Variants in PATJ observed in about 807,000 individuals in gnomAD.
PATJ encodes the protein inaD-like protein.
Under a neutral mutation model 224.9 loss-of-function variants are expected in PATJ, and 190 were observed. That is an observed-to-expected ratio of 0.84 (90% CI 0.75 to 0.95). The LOEUF (loss-of-function observed/expected upper bound fraction) is 0.95. PATJ is among the 40% of genes least tolerant of loss of function. The pLI, the probability that PATJ is intolerant of heterozygous loss-of-function variation, is 0.00. For synonymous variants in PATJ, 769 were observed against 820.3 expected (o/e 0.94, Z 1.07); for missense variants, 2,121 against 2,270.3 (o/e 0.93, Z 1.34).
chr1:61,896,121 AC>A (rs1283214878), intron 22 of PATJ, among the ~76,000 whole-genome samples: 2 of 152,092 alleles, frequency 1.3e-5, no homozygotes, highest in Admixed American at 6.5e-5. Context: ...TCATGGTGAA[AC>A]CCTGTCTCTA....
chr1:61,771,517 C>T lies in PATJ; in HGVS notation c.611C>T (p.Ala204Val). ...DQNISHQQAIALLQQTTGSLR... is the reference protein window; with the variant it reads ...DQNISHQQAIVLLQQTTGSLR... ...AACATTTCCCATCAGCAAGCAATTGCATTATTACAACAAACCACTGGATCT... is the reference window on the plus strand; with the variant it reads ...AACATTTCCCATCAGCAAGCAATTGTATTATTACAACAAACCACTGGATCT... Residue 204 changes from alanine (A) to valine (V), a missense_variant, in exon 6 of 44, where the codon GCA becomes GTA. Transcript: ENST00000642238. 1 of 1,612,816 alleles carries T rather than the reference C, an allele frequency of 6.2e-7. No homozygotes were observed. The highest frequency in any genetic ancestry group is 1.7e-5 in the Admixed American group (1 of 59,828).
intron 34 of PATJ, among the ~76,000 whole-genome samples, chr1:62,111,622 A>G (rs895113296): frequency 3.3e-5 from 5 of 151,984 alleles, no homozygotes; most frequent in Non-Finnish European, 5.9e-5. Context: ...AGTTGGAATC[A>G]GCACTCAAAC....
At chr1:61,792,481 T>C (rs776162941) in intron 9 of PATJ, among the ~76,000 whole-genome samples, 3 of 152,180 alleles carry the variant, frequency 2.0e-5, no homozygotes, top group Non-Finnish European at 2.9e-5. Context: ...TTTATATTAC[T>C]GGATAAAGGA....
rs761650692 is a variant in PATJ, at chr1:61,914,601, A to C, written c.3507A>C (p.Val1169=). 2.6e-6 allele frequency: 4 copies of C among 1,559,998 alleles called. No individual in the cohort carries two copies. Among genetic ancestry groups the C allele is most frequent in the Non-Finnish European group, 3.5e-6 (4 of 1,132,216 alleles). Reference sequence around the variant, plus strand: ...TGTCACCATAGGTCATTCCTAACGTACATAACAAGGCCAACAAAATCACCG... The same window carrying C: ...TGTCACCATAGGTCATTCCTAACGTCCATAACAAGGCCAACAAAATCACCG... The part of the protein sequence containing the change: ...LSSTPRVIPN[V]HNKANKITGN... Residue 1169 remains valine (V), a synonymous_variant, in exon 26 of 44, where the codon GTA becomes GTC. Transcript: ENST00000642238.
chr1:61,841,680 A>C (rs2148836228), intron 17 of PATJ, among the ~76,000 whole-genome samples: 1 of 150,404 alleles, frequency 6.6e-6, no homozygotes, highest in South Asian at 2.1e-4. Context: ...TCAATCTGCT[A>C]CTAATGGCAG....
chr1:61,993,269 T>C (rs1393224373), intron 28 of PATJ, among the ~76,000 whole-genome samples: 2 of 152,192 alleles, frequency 1.3e-5, no homozygotes, highest in East Asian at 3.9e-4. Flanking sequence ...AAGATACAGG[T>C]GAACAACCAG....
chr1:62,111,307 A>G (rs1195458766), intron 34 of PATJ, among the ~76,000 whole-genome samples: 1 of 152,146 alleles, frequency 6.6e-6, no homozygotes, highest in East Asian at 1.9e-4. Flanking sequence ...TTTCCTGGAA[A>G]TACACTTTTC....
chr1:62,155,151 G>C (rs1669052420), intron 43 of PATJ, among the ~76,000 whole-genome samples: 1 of 152,176 alleles, frequency 6.6e-6, no homozygotes, highest in South Asian at 2.1e-4. Flanking sequence ...ACAGTGGGAA[G>C]GCTGCAGAGT....
chr1:61,990,327 C>G lies in PATJ; in HGVS notation c.3830C>G (p.Ala1277Gly). 2 of 1,613,256 alleles carry G rather than the reference C, an allele frequency of 1.2e-6. No individual in the cohort carries two copies. Among genetic ancestry groups the G allele is most frequent in the Non-Finnish European group, 1.7e-6 (2 of 1,179,808 alleles). The change falls in exon 28 of 44, where the codon GCA becomes GGA. Residue 1277 changes from alanine to glycine, a missense_variant. Ala to Gly is a moderately conservative substitution (Grantham distance 60, BLOSUM62 0). Coordinates refer to ENST00000642238, the MANE Select transcript of PATJ (RefSeq NM_001350145.3). The part of the protein sequence containing the change: ...VGINPEGPAA[A>G]DGRMRIGDEL... ...ATTAACCCGGAAGGACCTGCTGCCGCAGATGGACGAATGCGTATTGGAGAT... is the reference window on the plus strand; with the variant it reads ...ATTAACCCGGAAGGACCTGCTGCCGGAGATGGACGAATGCGTATTGGAGAT...
intron 31 of PATJ, among the ~76,000 whole-genome samples, chr1:62,070,296 C>CGTCTTTTTTCTCTCTTTTCAA (rs1553257562): frequency 6.6e-6 from 1 of 152,198 alleles, no homozygotes; most frequent in East Asian, 1.9e-4. Context: ...GACCTTTTCA[C>CGTCTTTTTTCTCTCTTTTCAA]GTCTTTTTTC....
At chr1:62,134,330 CTTTTT>C (rs779235130) in intron 41 of PATJ, among the ~76,000 whole-genome samples, 1 of 96,496 alleles carries the variant, frequency 1.0e-5, no homozygotes, top group Non-Finnish European at 1.9e-5. Context: ...CCAGCCCTCT[CTTTTT>C]TTTTTTTTTT....
chr1:61,938,202 C>T (rs563793009), intron 27 of PATJ, among the ~76,000 whole-genome samples: 1 of 152,314 alleles, frequency 6.6e-6, no homozygotes, highest in South Asian at 2.1e-4. Context: ...CGTTTCTGCA[C>T]CTTGCCAAGT....
At chr1:61,978,557 G>A (rs529966008) in intron 27 of PATJ, among the ~76,000 whole-genome samples, 2 of 151,996 alleles carry the variant, frequency 1.3e-5, no homozygotes, top group Non-Finnish European at 1.5e-5. Context: ...GAGCCACTGC[G>A]CCCAGCCTGT....
chr1:62,114,041 C>A lies in PATJ; in HGVS notation c.4462-12C>A. 5 of 1,613,274 alleles carry A rather than the reference C, an allele frequency of 3.1e-6. No homozygotes were observed. Among genetic ancestry groups the A allele is most frequent in the Non-Finnish European group, 4.2e-6 (5 of 1,179,658 alleles). On this transcript the variant is annotated splice_polypyrimidine_tract_variant and intron_variant, in intron 34 of 43. Transcript: ENST00000642238. ...CCATCAGCAGCCCAGCTCAGGATGCCCATTGTTCCAGGTTAATGGGGTTGA... is the reference window on the plus strand; with the variant it reads ...CCATCAGCAGCCCAGCTCAGGATGCACATTGTTCCAGGTTAATGGGGTTGA...
At chr1:61,756,453 C>T (rs529633237) in intron 1 of PATJ, among the ~76,000 whole-genome samples, 15 of 151,318 alleles carry the variant, frequency 9.9e-5, no homozygotes, top group South Asian at 6.3e-4. Context: ...ACTCTGAGAG[C>T]GGGACTCTGC....
At chr1:61,969,316 T>C (rs1571566763) in intron 27 of PATJ, among the ~76,000 whole-genome samples, 1 of 152,262 alleles carries the variant, frequency 6.6e-6, no homozygotes, top group Non-Finnish European at 1.5e-5. Context: ...TCCATAGGGG[T>C]TATATACCAT....
At chr1:61,928,291 G>A (rs1675524486) in intron 27 of PATJ, among the ~76,000 whole-genome samples, 2 of 152,130 alleles carry the variant, frequency 1.3e-5, no homozygotes, top group Admixed American at 1.3e-4. Context: ...AATCAAATAT[G>A]CATTCATACA....
chr1:62,094,850 G>A lies in PATJ; in HGVS notation c.4377+10202G>A, dbSNP rs112951171. ...AGACTAGCTCTGTGTTTATTTTATA[G>A]CAGAGTTTTGTAAGGGTCAACTGAA... On this transcript the variant is annotated intron_variant, in intron 33 of 43. Coordinates refer to ENST00000642238, the MANE Select transcript of PATJ (RefSeq NM_001350145.3). Among the ~76,000 whole-genome samples, 38 of 152,260 alleles carry A rather than the reference G, an allele frequency of 2.5e-4. 1 individual carries two copies. Among genetic ancestry groups the A allele is most frequent in the African/African-American group, 8.9e-4 (37 of 41,540 alleles).
At chr1:61,779,864 G>A (rs2148432668) in intron 7 of PATJ, among the ~76,000 whole-genome samples, 2 of 152,316 alleles carry the variant, frequency 1.3e-5, no homozygotes, top group South Asian at 4.1e-4. Context: ...AGGTGAAGGA[G>A]AGCCAGTGTG....
Sources: gnomAD v4.1 joint callset for allele counts (sites outside exome capture counted in the v4.1 genomes callset) on GRCh38, gnomAD v4.1.1 for gene constraint, MANE v1.5 for transcripts, NCBI Gene and HGNC (gene_info 2026-07-23, HGNC 2026-07-21) for gene names.